Variants in TM2D3 observed in about 807,000 individuals in gnomAD.
TM2D3 encodes TM2 domain containing 3, also known as TM2 domain-containing protein 3.
A neutral mutation model predicts 27.3 loss-of-function variants in TM2D3; 33 were observed. The observed-to-expected ratio is 1.21, with a 90% CI of 0.92 to 1.61. The LOEUF (loss-of-function observed/expected upper bound fraction) is 1.61, where lower values mean the gene tolerates loss of function less well. TM2D3 is among the 40% of genes most tolerant of loss of function. TM2D3 has a pLI of 0.00. For missense variants in TM2D3, 364 were observed against 320.8 expected, an observed-to-expected ratio of 1.13 and a Z score of -1.03; for synonymous variants, 138 against 122.2, an observed-to-expected ratio of 1.13 and a Z score of -0.85.
chr15:101,647,097 C>T (rs1165928408), intron 3 of TM2D3, among the ~76,000 whole-genome samples, 198 bp from the exon 4 acceptor site: 1 of 152,134 alleles, frequency 6.6e-6, no homozygotes, highest in East Asian at 1.9e-4. Context: ...AATCATAAAA[C>T]TACACACCCA....
At chr15:101,636,071 A>T (rs977977738) in intron 4 of TM2D3, 1 of 151,870 alleles carries the variant, frequency 6.6e-6, no homozygotes, top group Non-Finnish European at 1.5e-5. Context: ...TTTGAGGTTT[A>T]TTCACCTTAT....
At chr15:101,651,480 G>A in intron 2 of TM2D3, 1 of 487,862 alleles carries the variant, frequency 2.0e-6, no homozygotes, top group Non-Finnish European at 3.6e-6. Context: ...GCGTGGGATT[G>A]GAAAAAGAGA....
At chr15:101,645,066 C>G (rs1896768796) in intron 5 of TM2D3, 21 bp downstream of exon 5, 1 of 1,607,770 alleles carries the variant, frequency 6.2e-7, no homozygotes, top group South Asian at 1.1e-5. Flanking sequence ...GCCTTTTACA[C>G]TTACGAGTAA....
At chr15:101,635,372 C>T (rs1896530296) in intron 4 of TM2D3, 1 of 152,160 alleles carries the variant, frequency 6.6e-6, no homozygotes, top group Non-Finnish European at 1.5e-5. Context: ...AAAAGGAATA[C>T]TGTTTGCAAT....
chr15:101,639,149 A>G (rs147103504), downstream of TM2D3, among the ~76,000 whole-genome samples: 11 of 152,360 alleles, frequency 7.2e-5, no homozygotes, highest in East Asian at 2.1e-3. Context: ...AAAATTAACC[A>G]ATAGGTCTAG....
In TM2D3 at chr15:101,650,125, G is replaced by A. The variant is rs140152371; in HGVS notation, c.206C>T (p.Pro69Leu). Residue 69 changes from proline to leucine, a missense_variant, in exon 3 of 6, where the codon CCG (proline) becomes CTG (leucine). By Grantham distance (98) the Pro-to-Leu change is moderately conservative. Coordinates refer to ENST00000333202, the MANE Select transcript of TM2D3 (RefSeq NM_078474.3). ...TEIPPYVMKC[P>L]SNGLCSRLPA... ...AAGCCTGCTACACAAACCATTGCTC[G>A]GACACTTCATCACATAAGGTGGGAT... is the stretch of plus-strand genomic sequence containing the variant. The A allele has an allele frequency of 2.7e-5, 44 of 1,613,816 alleles. No individual in the cohort carries two copies. The highest frequency in any genetic ancestry group is 3.3e-5 in the Non-Finnish European group (39 of 1,179,930).
rs1252762563 is a variant in TM2D3 at position 101,652,060 on chromosome 15, G to A, written c.91+211C>T. ...CTCCGTGCCAGGGCTCCGCAGCCGC[G>A]ATGGCGGGCTCGGTGTCGCCGGAGC... is the stretch of plus-strand genomic sequence containing the variant. On this transcript the variant is annotated intron_variant, in intron 1 of 5. Transcript: ENST00000333202. The A allele has an allele frequency of 5.4e-6, 3 of 558,992 alleles. No individual in the cohort carries two copies. In the Admixed American group the frequency reaches 1.2e-4, roughly 22 times the overall value. 34.6% of individuals were successfully genotyped at this position (558,992 alleles called of 1,614,324 possible).
chr15:101,644,718 TGTCA>T (rs1040116604), intron 5 of TM2D3, among the ~76,000 whole-genome samples: 2 of 152,246 alleles, frequency 1.3e-5, no homozygotes, highest in Non-Finnish European at 2.9e-5. Flanking sequence ...TTAATGTTTT[TGTCA>T]TTTTCATTTT....
In TM2D3 at chr15:101,651,535, G is replaced by A. The variant is rs1896968208; in HGVS notation, c.169+161C>T. ...GGTATAAATACGAAGACTATCTACT[G>A]AAAATGGCTGTGTATCTACCCTTAA... On this transcript the variant is annotated intron_variant, in intron 2 of 5. Coordinates refer to ENST00000333202, the MANE Select transcript of TM2D3 (RefSeq NM_078474.3). The A allele has an allele frequency of 3.3e-5, 22 of 664,768 alleles. No homozygotes were observed. The South Asian group carries it at 4.3e-4, about 13-fold the overall frequency. 41.2% of individuals were successfully genotyped at this position (664,768 alleles called of 1,614,324 possible). A position where few individuals can be genotyped will look rare whatever the true frequency, so the allele number is the denominator to read the frequency against.
At chr15:101,649,929 A>G in intron 3 of TM2D3, 75 bp downstream of exon 3, 1 of 1,364,470 alleles carries the variant, frequency 7.3e-7, no homozygotes, top group South Asian at 1.3e-5. Context: ...TCTTCCCAAT[A>G]ATCAAGTCTG....
At chr15:101,651,881 T>A in intron 1 of TM2D3, 108 bp from the exon 2 acceptor site, 1 of 1,119,046 alleles carries the variant, frequency 8.9e-7, no homozygotes, top group Non-Finnish European at 1.4e-6. Context: ...AAGCTGCTCA[T>A]GAAAACCTCA....
rs1430376745 is a variant in TM2D3 at position 101,652,265 on chromosome 15, A to C, written c.91+6T>G. 11 of 1,603,780 alleles carry C rather than the reference A, an allele frequency of 6.9e-6. No homozygotes were observed. Among genetic ancestry groups the C allele is most frequent in the African/African-American group, 1.4e-5 (1 of 72,898 alleles). ...CACCCGGCGCTGAACCCAGCCTTTG[A>C]CTCACCACCGCCCGACAGAATGCAG... On this transcript the variant is annotated splice_donor_region_variant and intron_variant, in intron 1 of 5. Coordinates refer to ENST00000333202, the MANE Select transcript of TM2D3 (RefSeq NM_078474.3).
intron 2 of TM2D3, 22 bp from the exon 3 acceptor site, chr15:101,650,183 C>T (rs1280691550): frequency 3.7e-6 from 6 of 1,608,342 alleles, no homozygotes; most frequent in African/African-American, 2.7e-5. Flanking sequence ...AAGAGAGAAG[C>T]TTATTCTCCT....
chr15:101,645,046 A>T (rs1168408234), intron 5 of TM2D3, 41 bp downstream of exon 5: 1 of 1,563,666 alleles, frequency 6.4e-7, no homozygotes, highest in Non-Finnish European at 8.8e-7. Flanking sequence ...ATCCCAAAGA[A>T]ATGCAAACGG....
chr15:101,645,491 A>G (rs1252620540), intron 4 of TM2D3: 1 of 292,176 alleles, frequency 3.4e-6, no homozygotes, highest in African/African-American at 2.3e-5. Context: ...AACCAGAAAT[A>G]TACAAACACT....
In TM2D3 at chr15:101,642,520, C is replaced by A; in HGVS notation, c.703G>T (p.Val235Phe). ...CCATCTGCTGGTCCAACATAGCCAA[C>A]TCCAATGAGCAGGACGTCTATCAGC... ...WTLIDVLLIG[V>F]GYVGPADGSL... Residue 235 changes from valine (V) to phenylalanine (F), a missense_variant, in exon 6 of 6, where the codon GTT (valine) becomes TTT (phenylalanine). Physicochemically the swap from Val to Phe is conservative, Grantham distance 50. Transcript: ENST00000333202. 6.2e-7 allele frequency: 1 copy of A among 1,613,458 alleles called. No individual in the cohort carries two copies. Among genetic ancestry groups the A allele is most frequent in the Non-Finnish European group, 8.5e-7 (1 of 1,179,790 alleles).
chr15:101,638,787 T>C (rs552143508), downstream of TM2D3, among the ~76,000 whole-genome samples: 13 of 152,328 alleles, frequency 8.5e-5, no homozygotes, highest in Admixed American at 4.6e-4. Flanking sequence ...AAGGAGGTGC[T>C]GGCTTTTCCT....
intron 4 of TM2D3, chr15:101,645,382 C>A (rs1434640881): frequency 3.6e-6 from 2 of 559,750 alleles, no homozygotes; most frequent in Admixed American, 3.2e-5. Flanking sequence ...ATGAAATGCT[C>A]ACCCACATAT....
intron 4 of TM2D3, chr15:101,635,124 C>A (rs1023297165): frequency 6.6e-5 from 10 of 152,340 alleles, no homozygotes; most frequent in African/African-American, 2.2e-4. Flanking sequence ...CGTGCCTCTG[C>A]ACTCCAGCTT....
Sources: allele counts gnomAD v4.1 joint callset (sites outside exome capture counted in the v4.1 genomes callset), GRCh38; gene constraint gnomAD v4.1.1; transcripts MANE v1.5; gene names NCBI Gene and HGNC (gene_info 2026-07-23, HGNC 2026-07-21).